Variants in PCDHA2 observed in about 807,000 individuals in gnomAD.
PCDHA2 encodes protocadherin alpha 2, also known as protocadherin alpha-2.
A neutral mutation model predicts 66.0 loss-of-function variants in PCDHA2; 58 were observed. The ratio of observed to expected loss-of-function variants is 0.88; its 90% CI spans 0.71 to 1.09. The LOEUF (loss-of-function observed/expected upper bound fraction) is 1.09. PCDHA2 is among the 50% of genes least tolerant of loss of function. The probability of loss-of-function intolerance (pLI) is 0.00; values close to 1 mark genes in which losing one functional copy is unlikely to be tolerated. For missense variants in PCDHA2, 1,267 were observed against 1,242.3 expected, an observed-to-expected ratio of 1.02 and a Z score of -0.30; for synonymous variants, 634 against 554.0, an observed-to-expected ratio of 1.14 and a Z score of -2.03.
At chr5:140,916,070 G>A (rs1554197282) in intron 1 of PCDHA2, among the ~76,000 whole-genome samples, 1 of 152,130 alleles carries the variant, frequency 6.6e-6, no homozygotes, top group Non-Finnish European at 1.5e-5. Flanking sequence ...CCTGTGGCCA[G>A]TACTACCACT....
intron 1 of PCDHA2, chr5:140,869,076 C>T (rs367613564): frequency 1.9e-6 from 3 of 1,577,816 alleles, no homozygotes; most frequent in African/African-American, 2.7e-5. Context: ...TGTAAAGAAG[C>T]TTATTTTGGA....
intron 1 of PCDHA2, among the ~76,000 whole-genome samples, chr5:140,799,929 G>T (rs1762490895): frequency 6.6e-6 from 1 of 151,940 alleles, no homozygotes; most frequent in Admixed American, 6.6e-5. Flanking sequence ...GCTTCTCATT[G>T]AATTCACAGA....
At chr5:140,875,636 A>G (rs574545388) in intron 1 of PCDHA2, 3 of 1,613,606 alleles carry the variant, frequency 1.9e-6, no homozygotes, top group African/African-American at 1.3e-5. Context: ...CTGGGGCTGG[A>G]GCTGGCGGAG....
intron 1 of PCDHA2, chr5:140,927,596 G>A (rs374002981): frequency 2.5e-6 from 4 of 1,614,044 alleles, no homozygotes; most frequent in African/African-American, 2.7e-5. Context: ...GTATTTGAGC[G>A]CTCCGTATAC....
At chr5:140,963,195 T>TG (rs1323958663) in intron 1 of PCDHA2, among the ~76,000 whole-genome samples, 4 of 150,680 alleles carry the variant, frequency 2.7e-5, no homozygotes, top group Non-Finnish European at 5.9e-5. Flanking sequence ...ACTGTGAAAA[T>TG]GAAAAAAAAA....
intron 1 of PCDHA2, chr5:140,849,896 C>G: frequency 6.3e-7 from 1 of 1,598,590 alleles, no homozygotes; most frequent in Non-Finnish European, 8.6e-7. Flanking sequence ...TGAAGGAGAA[C>G]AACCCGCCGG....
At chr5:140,987,452 A>C (rs1430622755) in intron 3 of PCDHA2, among the ~76,000 whole-genome samples, 2 of 152,076 alleles carry the variant, frequency 1.3e-5, no homozygotes, top group Non-Finnish European at 2.9e-5. Context: ...CCCGAGAGAT[A>C]ATTGTTAAGA....
At position 140,968,158 on chromosome 5, in the gene PCDHA2, C is replaced by T. The variant is rs191279827; in HGVS notation, c.2389-10791C>T. The T allele has an allele frequency of 3.7e-6, 6 of 1,614,124 alleles. No individual in the cohort carries two copies. The African/African-American group carries it at 4.0e-5, about 11-fold the overall frequency. On this transcript the variant is annotated intron_variant, in intron 1 of 3. Transcript: ENST00000526136. ...AGGTTGAGATCTCTGACATCAATGA[C>T]AATCCACCAAGCTTCCTGGAGGACT...
At chr5:140,862,433 G>T (rs781821294) in intron 1 of PCDHA2, 1 of 354,884 alleles carries the variant, frequency 2.8e-6, no homozygotes, top group Non-Finnish European at 5.6e-6. Flanking sequence ...GAAACTATTC[G>T]TTGGTACTCC....
rs545226629 is a variant in PCDHA2, at chr5:140,856,253, A to G, written c.2388+58901A>G. ...GCGCCTGTTCCGGGTGGCGTCCAAA[A>G]GACACGGGGACCTTCTGGAGGTAAA... On this transcript the variant is annotated intron_variant, in intron 1 of 3. Transcript: ENST00000526136. 2.5e-6 allele frequency: 4 copies of G among 1,597,916 alleles called. No individual in the cohort carries two copies. The African/African-American group carries it at 4.0e-5, about 16-fold the overall frequency.
intron 1 of PCDHA2, among the ~76,000 whole-genome samples, chr5:140,873,038 G>A (rs1304592086): frequency 1.3e-5 from 2 of 152,120 alleles, no homozygotes; most frequent in Admixed American, 6.5e-5. Context: ...CACGTAGAGT[G>A]GTGGTATTAC....
At position 140,862,713 on chromosome 5, in the gene PCDHA2, C is replaced by A. The variant is rs573467283; in HGVS notation, c.2388+65361C>A. 517 of 561,852 alleles carry A rather than the reference C, an allele frequency of 9.2e-4. 1 individual carries two copies. The highest frequency in any genetic ancestry group is 1.7e-3 in the Non-Finnish European group (476 of 284,834). 34.8% of individuals were successfully genotyped at this position (561,852 alleles called of 1,614,324 possible). ...ACTCGTTGATGGAACAGCGGGTGGG[C>A]GAGTGCGCGCTGTCTAGCTATGTGT... On this transcript the variant is annotated intron_variant, in intron 1 of 3. Transcript: ENST00000526136.
chr5:140,882,926 C>A (rs144073627), intron 1 of PCDHA2: 1 of 1,614,058 alleles, frequency 6.2e-7, no homozygotes, highest in Non-Finnish European at 8.5e-7. Flanking sequence ...TGGAGGTAAA[C>A]CCGAGCTGAC....
chr5:141,004,528 C>T (rs2098169666), intron 3 of PCDHA2, among the ~76,000 whole-genome samples: 1 of 152,230 alleles, frequency 6.6e-6, no homozygotes, highest in Non-Finnish European at 1.5e-5. Flanking sequence ...CCAATACACA[C>T]AGCCATTAAT....
At chr5:140,969,279 A>G (rs782221973) in intron 1 of PCDHA2, 3 of 1,614,244 alleles carry the variant, frequency 1.9e-6, no homozygotes, top group East Asian at 2.2e-5. Flanking sequence ...CAAAGTGGTC[A>G]GAATGCTGGG....
At chr5:140,862,972 C>T (rs1554157331) in intron 1 of PCDHA2, 1 of 545,254 alleles carries the variant, frequency 1.8e-6, no homozygotes, top group Non-Finnish European at 3.6e-6. Flanking sequence ...ATGCAGGCCA[C>T]TTGGTGGCGA....
intron 1 of PCDHA2, among the ~76,000 whole-genome samples, chr5:140,942,466 A>G (rs1269455545): frequency 2.0e-5 from 3 of 152,266 alleles, no homozygotes; most frequent in African/African-American, 7.2e-5. Flanking sequence ...TAATACAATC[A>G]AATTCAAGCT....
chr5:140,951,707 G>A (rs1162162711), intron 1 of PCDHA2, among the ~76,000 whole-genome samples: 6 of 152,076 alleles, frequency 3.9e-5, no homozygotes, highest in African/African-American at 1.4e-4. Flanking sequence ...TTTGGGCGGG[G>A]ACACAGATCC....
At chr5:140,997,264 A>G (rs1554255813) in intron 3 of PCDHA2, among the ~76,000 whole-genome samples, 3 of 152,154 alleles carry the variant, frequency 2.0e-5, no homozygotes. Context: ...CACTCTTCCA[A>G]ATATTTCTTG....
Sources: gnomAD v4.1 joint callset for allele counts (sites outside exome capture counted in the v4.1 genomes callset) on GRCh38, gnomAD v4.1.1 for gene constraint, MANE v1.5 for transcripts, NCBI Gene and HGNC (gene_info 2026-07-23, HGNC 2026-07-21) for gene names.